GPC6: variants seen among roughly 807,000 people sequenced by gnomAD.
GPC6 encodes the protein glypican-6.
Under a neutral mutation model 55.2 loss-of-function variants are expected in GPC6, and 14 were observed. The observed-to-expected ratio is 0.25, with a 90% CI of 0.17 to 0.40. GPC6 has a LOEUF of 0.40. GPC6 is among the 10% of genes least tolerant of loss of function. The pLI is 1.00. For synonymous variants in GPC6, 278 were observed against 259.6 expected (o/e 1.07, Z -0.68); for missense variants, 641 against 708.5 (o/e 0.90, Z 1.08).
chr13:94,003,369 T>A (rs1466748823), intron 3 of GPC6, among the ~76,000 whole-genome samples: 1 of 152,188 alleles, frequency 6.6e-6, no homozygotes, highest in African/African-American at 2.4e-5. Context: ...TGCTGGAACA[T>A]GACAACTGCA....
At chr13:93,479,954 G>C in intron 1 of GPC6, among the ~76,000 whole-genome samples, 1 of 152,002 alleles carries the variant, frequency 6.6e-6, no homozygotes, top group East Asian at 1.9e-4. Context: ...CATATAGAGG[G>C]GAATCTGTGA....
rs548788991 is a variant in GPC6 at position 93,547,724 on chromosome 13, GA to G, written c.319+2314del. The stretch of plus-strand genomic sequence containing the variant: ...TTTTGGAGGCTTTCAGCCAGAGTGG[GA>G]AAAAAAAAAAGAGAATCTAAATGTG... On this transcript the variant is annotated intron_variant, in intron 2 of 8. Transcript: ENST00000377047. Among the ~76,000 whole-genome samples, 365 of 142,514 alleles carry G rather than the reference GA, an allele frequency of 2.6e-3. 1 individual carries two copies. The highest frequency in any genetic ancestry group is 4.5e-3 in the Admixed American group (65 of 14,338). The allele number at this position is 142,514 out of a possible 152,430, so 93.5% of individuals were successfully genotyped here. A position where few individuals can be genotyped will look rare whatever the true frequency, so the allele number is the denominator to read the frequency against.
intron 1 of GPC6, among the ~76,000 whole-genome samples, chr13:93,288,221 A>G (rs965996271): frequency 5.3e-5 from 8 of 152,172 alleles, no homozygotes; most frequent in Non-Finnish European, 1.0e-4. Flanking sequence ...TGAATATATT[A>G]AAAAATGTTG....
At chr13:93,410,407 G>T (rs1282956344) in intron 1 of GPC6, among the ~76,000 whole-genome samples, 2 of 152,116 alleles carry the variant, frequency 1.3e-5, no homozygotes, top group Admixed American at 1.3e-4. Context: ...AGCTGGTAAA[G>T]CTATGATCAC....
At chr13:94,032,633 T>C (rs1566313650) in intron 4 of GPC6, among the ~76,000 whole-genome samples, 1 of 152,220 alleles carries the variant, frequency 6.6e-6, no homozygotes, top group Admixed American at 6.5e-5. Flanking sequence ...GAGATTTGTG[T>C]TATTTTTCAT....
At chr13:94,051,498 T>C (rs1471266206) in intron 4 of GPC6, among the ~76,000 whole-genome samples, 6 of 152,186 alleles carry the variant, frequency 3.9e-5, no homozygotes, top group Non-Finnish European at 8.8e-5. Flanking sequence ...CTCAGCTTGG[T>C]TTGTGTTTCC....
intron 3 of GPC6, among the ~76,000 whole-genome samples, chr13:94,009,638 A>C (rs2140432088): frequency 6.6e-6 from 1 of 152,274 alleles, no homozygotes; most frequent in Non-Finnish European, 1.5e-5. Context: ...CGTCTCCCTA[A>C]GAAAAGCCTC....
intron 2 of GPC6, among the ~76,000 whole-genome samples, chr13:93,615,432 A>G (rs1878671483): frequency 6.6e-6 from 1 of 152,148 alleles, no homozygotes; most frequent in South Asian, 2.1e-4. Flanking sequence ...CATTTTTAAT[A>G]GATATTCAGT....
chr13:93,644,070 T>C (rs1022462833), intron 2 of GPC6, among the ~76,000 whole-genome samples: 3 of 152,134 alleles, frequency 2.0e-5, no homozygotes, highest in Non-Finnish European at 4.4e-5. Context: ...ATGGAATATA[T>C]TATTTTTCAC....
At chr13:94,284,747 G>A (rs1440023181) in intron 4 of GPC6, among the ~76,000 whole-genome samples, 3 of 151,414 alleles carry the variant, frequency 2.0e-5, no homozygotes, top group South Asian at 2.1e-4. Flanking sequence ...GGAATACAGC[G>A]TTTCAATGTA....
chr13:94,261,516 TA>T (rs1891658243), intron 4 of GPC6, among the ~76,000 whole-genome samples: 1 of 152,140 alleles, frequency 6.6e-6, no homozygotes, highest in Admixed American at 6.5e-5. Flanking sequence ...TCAGTAGAAA[TA>T]GAAATTTTTA....
intron 1 of GPC6, among the ~76,000 whole-genome samples, chr13:93,299,561 C>T (rs921700297): frequency 1.3e-5 from 2 of 152,194 alleles, no homozygotes; most frequent in Non-Finnish European, 2.9e-5. Context: ...AGAACTGCCA[C>T]TCACACTTGC....
chr13:93,225,189 T>C (rs1875728390), upstream of GPC6, among the ~76,000 whole-genome samples: 1 of 152,222 alleles, frequency 6.6e-6, no homozygotes, highest in Non-Finnish European at 1.5e-5. Context: ...TTTTACCCTC[T>C]TCCTCTGGAG....
intron 4 of GPC6, among the ~76,000 whole-genome samples, chr13:94,141,074 AAC>A (rs1887359179): frequency 6.6e-6 from 1 of 152,148 alleles, no homozygotes; most frequent in African/African-American, 2.4e-5. Context: ...GGCCTGTGGA[AAC>A]ACAGTCTGAA....
At chr13:93,497,223 G>A (rs1360508140) in intron 1 of GPC6, among the ~76,000 whole-genome samples, 1 of 152,154 alleles carries the variant, frequency 6.6e-6, no homozygotes, top group Non-Finnish European at 1.5e-5. Flanking sequence ...GTAGCCTAGG[G>A]CATCTACATT....
chr13:93,880,770 A>G (rs1443796287), intron 3 of GPC6, among the ~76,000 whole-genome samples: 7 of 152,068 alleles, frequency 4.6e-5, no homozygotes, highest in Non-Finnish European at 7.4e-5. Context: ...AAGGCTGACT[A>G]ATAAGAGAAA....
At chr13:94,303,354 G>A (rs117940111) in intron 5 of GPC6, among the ~76,000 whole-genome samples, 5 of 152,060 alleles carry the variant, frequency 3.3e-5, no homozygotes, top group South Asian at 4.1e-4. Flanking sequence ...CTACCTGATC[G>A]GGTGTGAGCT....
chr13:93,504,317 G>T (rs2813591), intron 1 of GPC6, among the ~76,000 whole-genome samples: 16,743 of 151,964 alleles, frequency 0.11, 1,369 homozygotes, highest in East Asian at 0.48. Flanking sequence ...GATTAAATAT[G>T]AGTTCCAAAT....
At chr13:93,673,018 A>T (rs906359668) in intron 2 of GPC6, among the ~76,000 whole-genome samples, 2 of 152,180 alleles carry the variant, frequency 1.3e-5, no homozygotes, top group African/African-American at 4.8e-5. Context: ...AGAAAAGACA[A>T]AAGTATTTTT....
Sources: allele counts gnomAD v4.1 joint callset (sites outside exome capture counted in the v4.1 genomes callset), GRCh38; gene constraint gnomAD v4.1.1; transcripts MANE v1.5; gene names NCBI Gene and HGNC (gene_info 2026-07-23, HGNC 2026-07-21).